FAM178B: variants seen among roughly 807,000 people sequenced by gnomAD.
FAM178B encodes protein FAM178B.
Under a neutral mutation model 91.7 loss-of-function variants are expected in FAM178B, and 82 were observed. The observed-to-expected ratio is 0.89, with a 90% CI of 0.75 to 1.07. FAM178B has a LOEUF of 1.07. Among genes scored for constraint, FAM178B ranks in the 50% least tolerant of loss-of-function variants. FAM178B has a pLI of 0.00. For missense variants in FAM178B, 769 were observed against 846.7 expected (o/e 0.91, Z 1.14); for synonymous variants, 368 against 359.4 (o/e 1.02, Z -0.27).
chr2:96,903,497 C>T (rs982055013), intron 12 of FAM178B, among the ~76,000 whole-genome samples: 1 of 152,222 alleles, frequency 6.6e-6, no homozygotes, highest in Non-Finnish European at 1.5e-5. Context: ...AATCCATCTC[C>T]TGCCAGGCTC....
chr2:96,951,502 G>C lies in FAM178B; in HGVS notation c.888-18C>G. ...GCGGGGAGCTGGGAGGCAGAGGGCT[G>C]AGGTTAGGGGAGGCCTCTGTGCCAG... is the stretch of plus-strand genomic sequence containing the variant. On this transcript the variant is annotated intron_variant, in intron 6 of 16. Transcript: ENST00000490605. 2 of 1,533,364 alleles carry C rather than the reference G, an allele frequency of 1.3e-6. No individual in the cohort carries two copies. Among genetic ancestry groups the C allele is most frequent in the Non-Finnish European group, 1.8e-6 (2 of 1,130,356 alleles). 95.0% of individuals were successfully genotyped at this position (1,533,364 alleles called of 1,614,324 possible).
chr2:96,930,984 C>T (rs2081530632), intron 8 of FAM178B, among the ~76,000 whole-genome samples: 1 of 152,200 alleles, frequency 6.6e-6, no homozygotes, highest in Admixed American at 6.5e-5. Context: ...ACTTCCCAGC[C>T]TCCAGAACTG....
At position 96,936,492 on chromosome 2, in the gene FAM178B, G is replaced by A. The variant is rs552487049; in HGVS notation, c.1079-7172C>T. Reference sequence around the variant, plus strand: ...CTGGATTACAGGCGTGAGCCACCACGCCCGGGTTTTTTTTTTTTGGTTGTT... The same window carrying A: ...CTGGATTACAGGCGTGAGCCACCACACCCGGGTTTTTTTTTTTTGGTTGTT... On this transcript the variant is annotated intron_variant, in intron 8 of 16. Transcript: ENST00000490605. Among the ~76,000 whole-genome samples, 877 of 140,306 alleles carry A rather than the reference G, an allele frequency of 6.3e-3. 13 individuals are homozygous for A. The highest frequency in any genetic ancestry group is 0.022 in the African/African-American group (776 of 35,308). 92.0% of individuals were successfully genotyped at this position (140,306 alleles called of 152,430 possible).
chr2:96,956,017 G>A (rs1244214846), intron 6 of FAM178B, among the ~76,000 whole-genome samples: 1 of 152,188 alleles, frequency 6.6e-6, no homozygotes, highest in African/African-American at 2.4e-5. Context: ...TGGAAAGCAC[G>A]CTGGTCCTCG....
At chr2:96,967,923 T>A (rs1358383815) in intron 4 of FAM178B, among the ~76,000 whole-genome samples, 1 of 136,214 alleles carries the variant, frequency 7.3e-6, no homozygotes, top group East Asian at 2.0e-4. Flanking sequence ...TTTTTTTTTT[T>A]TTTTTTTTTT....
At chr2:96,922,155 A>G (rs1242418717) in intron 10 of FAM178B, among the ~76,000 whole-genome samples, 1 of 152,202 alleles carries the variant, frequency 6.6e-6, no homozygotes, top group Admixed American at 6.5e-5. Flanking sequence ...AACAGTTTAC[A>G]CATGCCGTGG....
intron 1 of FAM178B, among the ~76,000 whole-genome samples, chr2:96,977,474 G>C (rs1220802911): frequency 6.8e-6 from 1 of 146,886 alleles, no homozygotes; most frequent in African/African-American, 2.5e-5. Flanking sequence ...TTTTTTTGGT[G>C]GGGAGGGTCA....
chr2:96,895,177 G>C, intron 13 of FAM178B: 1 of 1,153,410 alleles, frequency 8.7e-7, no homozygotes, highest in Non-Finnish European at 1.1e-6. Context: ...ACATCGTATC[G>C]TTTTACCCAT....
chr2:96,956,659 T>A (rs753734335), intron 6 of FAM178B: 3 of 152,134 alleles, frequency 2.0e-5, no homozygotes, highest in Non-Finnish European at 2.9e-5. Context: ...TGTAGAAAGT[T>A]AGGAATATAA....
At chr2:96,889,861 C>G (rs560088434) in intron 14 of FAM178B, among the ~76,000 whole-genome samples, 8 of 151,506 alleles carry the variant, frequency 5.3e-5, no homozygotes, top group Non-Finnish European at 1.0e-4. Context: ...AATTGGGGCC[C>G]GTTGAGATGG....
At chr2:96,948,749 T>C (rs1344504993) in intron 7 of FAM178B, among the ~76,000 whole-genome samples, 3 of 152,302 alleles carry the variant, frequency 2.0e-5, no homozygotes, top group Admixed American at 2.0e-4. Flanking sequence ...CCCAGGACCC[T>C]CTCTGAGCCT....
chr2:96,880,461 C>T (rs1323489640), intron 14 of FAM178B, among the ~76,000 whole-genome samples: 2 of 152,200 alleles, frequency 1.3e-5, no homozygotes, highest in Non-Finnish European at 2.9e-5. Flanking sequence ...CTGGAATGTA[C>T]TAGGTAGCAG....
intron 13 of FAM178B, among the ~76,000 whole-genome samples, chr2:96,902,109 A>ATTTTTT (rs373394292): frequency 3.6e-5 from 5 of 138,356 alleles, no homozygotes; most frequent in Non-Finnish European, 4.8e-5. Context: ...TTTTACTACA[A>ATTTTTT]TTTTTTTTTT....
At chr2:96,902,474 T>C in intron 13 of FAM178B, 146 bp downstream of exon 13, 1 of 625,336 alleles carries the variant, frequency 1.6e-6, no homozygotes, top group South Asian at 1.8e-5. Context: ...ATGGCTGGCA[T>C]GCAAGCGGTA....
intron 8 of FAM178B, among the ~76,000 whole-genome samples, chr2:96,935,822 CA>C (rs1014570840): frequency 2.1e-4 from 31 of 151,144 alleles, no homozygotes; most frequent in Admixed American, 1.2e-3. Context: ...TTTTAGTAGA[CA>C]GGGGGTTTCA....
At position 96,929,329 on chromosome 2, in the gene FAM178B, C is replaced by T. The variant is rs1334675798; in HGVS notation, c.1079-9G>A. 1 of 1,539,854 alleles carries T rather than the reference C, an allele frequency of 6.5e-7. No homozygotes were observed. The highest frequency in any genetic ancestry group is 8.8e-7 in the Non-Finnish European group (1 of 1,136,474). On this transcript the variant is annotated splice_polypyrimidine_tract_variant and intron_variant, in intron 8 of 16. Coordinates refer to ENST00000490605, the MANE Select transcript of FAM178B (RefSeq NM_001122646.3). ...CAGGTGCTTGTCTTCATCTGTCAGG[C>T]CAAAAGGGAGCAGAGAGTTAGAATG...
At chr2:96,954,510 T>C (rs961512400) in intron 6 of FAM178B, among the ~76,000 whole-genome samples, 1 of 152,240 alleles carries the variant, frequency 6.6e-6, no homozygotes, top group Non-Finnish European at 1.5e-5. Flanking sequence ...CAAGGGAAGA[T>C]TCTTCCCGCC....
At chr2:96,881,448 G>A (rs1480966967) in intron 14 of FAM178B, among the ~76,000 whole-genome samples, 2 of 152,014 alleles carry the variant, frequency 1.3e-5, no homozygotes, top group African/African-American at 4.8e-5. Context: ...GGGACTGGGA[G>A]GGGCGAAAGG....
intron 14 of FAM178B, among the ~76,000 whole-genome samples, chr2:96,893,059 A>G (rs1197791020): frequency 1.3e-5 from 2 of 152,204 alleles, no homozygotes; most frequent in East Asian, 3.8e-4. Flanking sequence ...TCATTAAGTA[A>G]TTAATTCATT....
Sources: allele counts gnomAD v4.1 joint callset (sites outside exome capture counted in the v4.1 genomes callset), GRCh38; gene constraint gnomAD v4.1.1; transcripts MANE v1.5; gene names NCBI Gene and HGNC (gene_info 2026-07-23, HGNC 2026-07-21).